SHTN1: variants seen among roughly 807,000 people sequenced by gnomAD.
SHTN1 encodes the protein shootin 1.
SHTN1 carries 42 observed loss-of-function variants against 83.1 expected under a neutral mutation model. That is an observed-to-expected ratio of 0.51 (90% CI 0.39 to 0.65). The LOEUF is 0.65. SHTN1 is among the 30% of genes least tolerant of loss of function. The probability of loss-of-function intolerance (pLI) is 0.00; values close to 1 mark genes in which losing one functional copy is unlikely to be tolerated. For synonymous variants in SHTN1, 224 were observed against 247.7 expected, an observed-to-expected ratio of 0.90 and a Z score of 0.90; for missense variants, 622 against 737.8, an observed-to-expected ratio of 0.84 and a Z score of 1.82.
intron 1 of SHTN1, among the ~76,000 whole-genome samples, chr10:117,097,035 A>G (rs572422970): frequency 9.7e-5 from 14 of 145,060 alleles, no homozygotes; most frequent in Admixed American, 2.8e-4. Context: ...ACATAGACAC[A>G]CACACACACA....
chr10:117,071,996 T>G (rs1454685688), intron 1 of SHTN1, among the ~76,000 whole-genome samples: 1 of 152,210 alleles, frequency 6.6e-6, no homozygotes, highest in African/African-American at 2.4e-5. Flanking sequence ...TTCTGTGAAA[T>G]TAATATCTAA....
At chr10:116,900,671 A>C (rs1487354015) in intron 16 of SHTN1, 4 of 1,478,420 alleles carry the variant, frequency 2.7e-6, no homozygotes, top group African/African-American at 2.8e-5. Flanking sequence ...TTGATGTCAA[A>C]TTAGGTGTTA....
At chr10:116,973,390 G>C (rs886657224) in intron 2 of SHTN1, among the ~76,000 whole-genome samples, 3 of 152,120 alleles carry the variant, frequency 2.0e-5, no homozygotes, top group African/African-American at 7.2e-5. Flanking sequence ...ACAATACCAA[G>C]ACAGGGAACA....
intron 2 of SHTN1, among the ~76,000 whole-genome samples, chr10:117,031,977 C>T (rs933064678): frequency 4.0e-5 from 6 of 151,774 alleles, no homozygotes; most frequent in East Asian, 3.9e-4. Context: ...GATAAGAAAA[C>T]AAGACCCAAT....
At chr10:116,898,564 C>T (rs915442547) in intron 16 of SHTN1, among the ~76,000 whole-genome samples, 13 of 152,112 alleles carry the variant, frequency 8.5e-5, no homozygotes, top group Middle Eastern at 3.4e-3. Flanking sequence ...TATAACCAAT[C>T]GGAATTCATA....
intron 1 of SHTN1, among the ~76,000 whole-genome samples, chr10:116,991,414 T>C (rs1200826899): frequency 1.3e-5 from 2 of 152,044 alleles, no homozygotes; most frequent in Non-Finnish European, 2.9e-5. Context: ...CCAGCATCTG[T>C]TTGTGTTGAT....
At chr10:117,045,768 A>G (rs1852652893) in intron 2 of SHTN1, among the ~76,000 whole-genome samples, 2 of 152,214 alleles carry the variant, frequency 1.3e-5, no homozygotes, top group East Asian at 3.9e-4. Flanking sequence ...TTAAAGAGAC[A>G]GAGTAAGCAT....
intron 1 of SHTN1, among the ~76,000 whole-genome samples, chr10:117,065,902 A>C (rs926698433): frequency 2.0e-4 from 2 of 10,124 alleles, no homozygotes; most frequent in Middle Eastern, 0.042. Context: ...AAGGGAGGGG[A>C]GGGGAGGGGG....
chr10:117,037,792 G>A (rs1018120703), intron 2 of SHTN1, among the ~76,000 whole-genome samples: 1 of 152,090 alleles, frequency 6.6e-6, no homozygotes, highest in Non-Finnish European at 1.5e-5. Context: ...TGGATCACAA[G>A]ATCAGGAGTT....
chr10:117,125,624 C>A (rs1853992505), intron 1 of SHTN1, among the ~76,000 whole-genome samples: 1 of 152,168 alleles, frequency 6.6e-6, no homozygotes, highest in Non-Finnish European at 1.5e-5. Flanking sequence ...TACACCTCTA[C>A]TCGATGTGAG....
chr10:116,981,920 G>A lies in SHTN1; in HGVS notation c.59-2612C>T, dbSNP rs138543646. Reference sequence around the variant, plus strand: ...AAAAATACAAAAAGATTAGCTGGGCGTGGTAGCGCGCACCTGTAATCCCAG... The same window carrying A: ...AAAAATACAAAAAGATTAGCTGGGCATGGTAGCGCGCACCTGTAATCCCAG... On this transcript the variant is annotated intron_variant, in intron 1 of 16. Transcript: ENST00000355371. 6.3e-3 allele frequency among the ~76,000 whole-genome samples: 962 copies of A among 152,180 alleles called. 2 individuals are homozygous for A. Among genetic ancestry groups the A allele is most frequent in the Middle Eastern group, 0.031 (9 of 294 alleles).
intron 1 of SHTN1, among the ~76,000 whole-genome samples, chr10:117,066,364 G>T (rs2133599874): frequency 6.6e-6 from 1 of 152,268 alleles, no homozygotes; most frequent in Admixed American, 6.5e-5. Context: ...AAAGGTCCTT[G>T]TCTCCCTTGG....
intron 9 of SHTN1, 140 bp downstream of exon 9, chr10:116,940,326 G>A: frequency 1.3e-6 from 1 of 766,774 alleles, no homozygotes; most frequent in Non-Finnish European, 2.0e-6. Context: ...CTAAAAGGTG[G>A]TTGAAAGCAC....
chr10:116,965,373 C>T (rs1362910933), intron 3 of SHTN1, among the ~76,000 whole-genome samples: 5 of 152,058 alleles, frequency 3.3e-5, no homozygotes, highest in Non-Finnish European at 5.9e-5. Context: ...AAAAAATAGC[C>T]AGGCATGAGG....
intron 2 of SHTN1, among the ~76,000 whole-genome samples, chr10:117,047,946 T>C (rs937250828): frequency 1.3e-5 from 2 of 151,230 alleles, no homozygotes; most frequent in African/African-American, 4.9e-5. Context: ...AATTATGTAG[T>C]CTTAACTAAC....
intron 1 of SHTN1, among the ~76,000 whole-genome samples, chr10:117,063,502 C>T (rs539381338): frequency 6.6e-6 from 1 of 152,272 alleles, no homozygotes; most frequent in South Asian, 2.1e-4. Context: ...CTCTCTCAGC[C>T]ACCTAGTACA....
chr10:117,054,316 C>T (rs929212329), intron 1 of SHTN1, among the ~76,000 whole-genome samples: 1 of 152,106 alleles, frequency 6.6e-6, no homozygotes. Flanking sequence ...AAACCTAAGG[C>T]CATGCAAGTC....
At chr10:117,004,967 C>T (rs905084511) in intron 1 of SHTN1, 55 bp downstream of exon 1, 7 of 1,520,612 alleles carry the variant, frequency 4.6e-6, no homozygotes, top group East Asian at 2.4e-5. Context: ...CGCCCTGGGG[C>T]CGTCCCCGCC....
intron 3 of SHTN1, among the ~76,000 whole-genome samples, chr10:116,967,986 A>G (rs970061663): frequency 4.6e-5 from 7 of 152,168 alleles, no homozygotes; most frequent in Non-Finnish European, 1.0e-4. Context: ...GACCAGGACC[A>G]TCCTGGCCAA....
Sources: gnomAD v4.1 joint callset for allele counts (sites outside exome capture counted in the v4.1 genomes callset) on GRCh38, gnomAD v4.1.1 for gene constraint, MANE v1.5 for transcripts, NCBI Gene and HGNC (gene_info 2026-07-23, HGNC 2026-07-21) for gene names.